RBMS3: variants seen among roughly 807,000 people sequenced by gnomAD.
The protein encoded by RBMS3 is RNA binding motif single stranded interacting protein 3, also known as RNA-binding motif, single-stranded-interacting protein 3.
A neutral mutation model predicts 66.8 loss-of-function variants in RBMS3; 27 were observed. The observed-to-expected ratio is 0.40, with a 90% CI of 0.30 to 0.56. The LOEUF (loss-of-function observed/expected upper bound fraction) is 0.56. Among genes scored for constraint, RBMS3 ranks in the 20% least tolerant of loss-of-function variants. The pLI is 0.40. For missense variants in RBMS3, 513 were observed against 549.5 expected (o/e 0.93, Z 0.66); for synonymous variants, 188 against 183.0 (o/e 1.03, Z -0.22).
intron 3 of RBMS3, among the ~76,000 whole-genome samples, chr3:29,552,985 T>G (rs143411420): frequency 3.3e-5 from 5 of 152,270 alleles, no homozygotes; most frequent in African/African-American, 1.2e-4. Flanking sequence ...TAGGTTAACT[T>G]ACTACTCTAA....
chr3:29,992,543 G>A (rs1328419890), intron 14 of RBMS3, among the ~76,000 whole-genome samples: 1 of 152,100 alleles, frequency 6.6e-6, no homozygotes, highest in Non-Finnish European at 1.5e-5. Context: ...AGCAGCTTGC[G>A]GTGAGCAGAG....
intron 1 of RBMS3, among the ~76,000 whole-genome samples, chr3:29,350,560 A>G (rs1193677244): frequency 6.6e-6 from 1 of 152,194 alleles, no homozygotes; most frequent in African/African-American, 2.4e-5. Flanking sequence ...GCACTATAGT[A>G]GACAGTACAG....
chr3:29,883,581 G>T (rs938725072), intron 7 of RBMS3, among the ~76,000 whole-genome samples: 1 of 151,834 alleles, frequency 6.6e-6, no homozygotes, highest in Non-Finnish European at 1.5e-5. Context: ...CTCCTTATTA[G>T]CCATGTGTTC....
intron 10 of RBMS3, among the ~76,000 whole-genome samples, chr3:29,900,660 G>C (rs1375311028): frequency 6.6e-6 from 1 of 151,700 alleles, no homozygotes; most frequent in African/African-American, 2.4e-5. Context: ...TATGCTCTCT[G>C]TGCATTTGTT....
chr3:29,930,920 A>G (rs2061104093), intron 10 of RBMS3, among the ~76,000 whole-genome samples: 1 of 152,152 alleles, frequency 6.6e-6, no homozygotes, highest in African/African-American at 2.4e-5. Flanking sequence ...GTAATGATCC[A>G]TTTTAACGAG....
rs540617909 is a variant in RBMS3, at chr3:29,532,168, A to G, written c.307+43669A>G. Among the ~76,000 whole-genome samples, 382 of 149,882 alleles carry G rather than the reference A, an allele frequency of 2.5e-3. 8 individuals are homozygous for G. Among genetic ancestry groups the G allele is most frequent in the Non-Finnish European group, 6.8e-4 (46 of 67,532 alleles). On this transcript the variant is annotated intron_variant, in intron 3 of 14. Coordinates refer to ENST00000383767, the MANE Select transcript of RBMS3 (RefSeq NM_001003793.3). ...CTTCTATCTTTCACTTATCTGCACA[A>G]TGAAAATTAGACAGAAAGATCATTC... is the stretch of plus-strand genomic sequence containing the variant.
intron 1 of RBMS3, among the ~76,000 whole-genome samples, chr3:29,374,216 T>C (rs887340051): frequency 6.6e-6 from 1 of 152,236 alleles, no homozygotes; most frequent in Non-Finnish European, 1.5e-5. Flanking sequence ...ATTCACAACC[T>C]AGATAAATAG....
At chr3:29,304,300 C>T (rs975220812) in intron 1 of RBMS3, among the ~76,000 whole-genome samples, 3 of 151,836 alleles carry the variant, frequency 2.0e-5, no homozygotes, top group Non-Finnish European at 2.9e-5. Context: ...GTACTTTGTA[C>T]ATATTAAAGT....
chr3:29,980,723 G>C (rs1697927827), intron 12 of RBMS3, among the ~76,000 whole-genome samples: 1 of 152,136 alleles, frequency 6.6e-6, no homozygotes, highest in African/African-American at 2.4e-5. Context: ...TGTCAGGTTT[G>C]TCGAAGATAG....
intron 1 of RBMS3, among the ~76,000 whole-genome samples, chr3:29,407,638 T>C (rs1265565199): frequency 6.6e-6 from 1 of 152,182 alleles, no homozygotes; most frequent in Non-Finnish European, 1.5e-5. Flanking sequence ...ACTTAAATGT[T>C]TCTATATCTT....
At chr3:29,992,223 G>A (rs186784109) in intron 14 of RBMS3, among the ~76,000 whole-genome samples, 1 of 152,212 alleles carries the variant, frequency 6.6e-6, no homozygotes, top group African/African-American at 2.4e-5. Flanking sequence ...TCTGATATTT[G>A]TTAAAACATT....
chr3:29,557,359 T>A (rs944040883), intron 3 of RBMS3, among the ~76,000 whole-genome samples: 5 of 152,184 alleles, frequency 3.3e-5, no homozygotes, highest in Non-Finnish European at 5.9e-5. Flanking sequence ...AGCCAAGGCA[T>A]CATGAGCATC....
chr3:29,780,276 T>C (rs531926424), intron 6 of RBMS3, among the ~76,000 whole-genome samples: 1 of 151,830 alleles, frequency 6.6e-6, no homozygotes, highest in South Asian at 2.1e-4. Context: ...CTAGTTAGGT[T>C]TGATTTGAAA....
chr3:29,533,332 A>T (rs996415972), intron 3 of RBMS3, among the ~76,000 whole-genome samples: 2 of 151,596 alleles, frequency 1.3e-5, no homozygotes, highest in South Asian at 2.1e-4. Context: ...TAAAAAAAAA[A>T]TTAGTGAAGT....
At chr3:29,771,326 T>A (rs2056189424) in intron 6 of RBMS3, among the ~76,000 whole-genome samples, 1 of 152,062 alleles carries the variant, frequency 6.6e-6, no homozygotes, top group South Asian at 2.1e-4. Context: ...CTCTCCCATC[T>A]TCCTTAAACA....
intron 6 of RBMS3, among the ~76,000 whole-genome samples, chr3:29,857,217 G>A (rs67426499): frequency 0.11 from 16,980 of 152,124 alleles, 1,036 homozygotes; most frequent in African/African-American, 0.16. Context: ...CTTAGGAACA[G>A]CATGAAGGAA....
At chr3:29,477,158 T>G (rs1370800626) in intron 2 of RBMS3, among the ~76,000 whole-genome samples, 1 of 150,758 alleles carries the variant, frequency 6.6e-6, no homozygotes, top group Non-Finnish European at 1.5e-5. Flanking sequence ...CAGTCAGTAT[T>G]TTTAAACTCT....
intron 13 of RBMS3, among the ~76,000 whole-genome samples, chr3:29,989,090 G>A (rs1243663524): frequency 6.6e-6 from 1 of 152,140 alleles, no homozygotes; most frequent in Non-Finnish European, 1.5e-5. Flanking sequence ...ATTGCTCTAG[G>A]CCATGAACCT....
intron 1 of RBMS3, among the ~76,000 whole-genome samples, chr3:29,387,293 A>G (rs2039053670): frequency 6.6e-6 from 1 of 152,220 alleles, no homozygotes; most frequent in South Asian, 2.1e-4. Context: ...AACATGTTCA[A>G]AACAAGTCAT....
Sources: allele counts gnomAD v4.1 joint callset (sites outside exome capture counted in the v4.1 genomes callset), GRCh38; gene constraint gnomAD v4.1.1; transcripts MANE v1.5; gene names NCBI Gene and HGNC (gene_info 2026-07-23, HGNC 2026-07-21).